Variants in HIVEP2 observed in about 807,000 individuals in gnomAD.
HIVEP2 encodes the protein HIVEP zinc finger 2, also known as transcription factor HIVEP2.
In HIVEP2, 14 loss-of-function variants were observed where a neutral mutation model predicts 180.7. The observed-to-expected ratio is 0.08, with a 90% CI of 0.05 to 0.12. HIVEP2 has a LOEUF of 0.12. Ranked by LOEUF, HIVEP2 falls within the 10% of genes least tolerant of loss-of-function variation. The pLI, the probability that HIVEP2 is intolerant of heterozygous loss-of-function variation, is 1.00. For missense variants in HIVEP2, 2,579 were observed against 3,008.5 expected, an observed-to-expected ratio of 0.86 and a Z score of 3.34; for synonymous variants, 1,184 against 1,136.4, an observed-to-expected ratio of 1.04 and a Z score of -0.84.
intron 1 of HIVEP2, among the ~76,000 whole-genome samples, chr6:142,846,669 G>T (rs1305077314): frequency 1.3e-5 from 2 of 152,186 alleles, no homozygotes; most frequent in Admixed American, 6.5e-5. Context: ...AGATGACTCA[G>T]CCTCTTGGGC....
At chr6:142,897,418 T>C (rs964169779) in intron 1 of HIVEP2, among the ~76,000 whole-genome samples, 2 of 152,218 alleles carry the variant, frequency 1.3e-5, no homozygotes, top group Non-Finnish European at 2.9e-5. Context: ...ATAATATTCA[T>C]AGAAGCACTA....
chr6:142,844,422 T>G (rs1775454308), intron 1 of HIVEP2, among the ~76,000 whole-genome samples: 1 of 152,238 alleles, frequency 6.6e-6, no homozygotes, highest in African/African-American at 2.4e-5. Context: ...CTGAGTTCTA[T>G]TTCCATCTTT....
chr6:142,802,311 C>A (rs917972205), intron 2 of HIVEP2, among the ~76,000 whole-genome samples: 2 of 152,122 alleles, frequency 1.3e-5, no homozygotes, highest in African/African-American at 4.8e-5. Context: ...GACTTCCCCC[C>A]ACATTCCATT....
At chr6:142,800,005 A>G (rs146496043) in intron 2 of HIVEP2, among the ~76,000 whole-genome samples, 211 of 152,066 alleles carry the variant, frequency 1.4e-3, no homozygotes, top group Non-Finnish European at 2.6e-3. Flanking sequence ...ATATTGAAAA[A>G]CCTCATTTTT....
At chr6:142,844,621 A>G (rs962548053) in intron 1 of HIVEP2, among the ~76,000 whole-genome samples, 3 of 152,226 alleles carry the variant, frequency 2.0e-5, no homozygotes, top group African/African-American at 4.8e-5. Flanking sequence ...TAAGGAAGTC[A>G]GAATTTAGGC....
intron 1 of HIVEP2, among the ~76,000 whole-genome samples, chr6:142,874,126 T>G (rs1389011707): frequency 6.6e-6 from 1 of 152,134 alleles, no homozygotes; most frequent in African/African-American, 2.4e-5. Context: ...TTCTCTAAAT[T>G]CCAAATACCT....
At chr6:142,815,150 C>T (rs1054742184) in intron 2 of HIVEP2, among the ~76,000 whole-genome samples, 9 of 152,142 alleles carry the variant, frequency 5.9e-5, no homozygotes, top group Non-Finnish European at 1.0e-4. Flanking sequence ...TTCATGAAGG[C>T]GTGGCCTAAT....
At chr6:142,794,367 T>C (rs1245567280) in intron 2 of HIVEP2, among the ~76,000 whole-genome samples, 1 of 152,202 alleles carries the variant, frequency 6.6e-6, no homozygotes, top group Non-Finnish European at 1.5e-5. Context: ...TATTTGTATA[T>C]TTCAATAGTT....
rs1261661835 is a variant in HIVEP2 at position 142,770,666 on chromosome 6, C to G, written c.4073G>C (p.Gly1358Ala). ...TATGACAATGGCAGGGCTATTCTGC[C>G]CAAGTATCTGAGAAATGCTTGTGTA... ...VMYTSISQIL[G>A]QNSPAIVICK... The change falls in exon 5 of 10, where the codon GGG becomes GCG. Residue 1358 changes from glycine (G) to alanine (A), a missense_variant. Gly to Ala is a moderately conservative substitution (Grantham distance 60). This residue lies in a region of HIVEP2 where 523 missense variants were observed against 577.0 expected (regional missense o/e 0.91). Coordinates refer to ENST00000367603, the MANE Select transcript of HIVEP2 (RefSeq NM_006734.4). This position sits in a 1 kb window ranked among gnomAD's most constrained non-coding sequence, Gnocchi z 4.7. 6 of 1,614,034 alleles carry G rather than the reference C, an allele frequency of 3.7e-6. No homozygotes were observed. The highest frequency in any genetic ancestry group is 5.1e-6 in the Non-Finnish European group (6 of 1,180,030).
At chr6:142,780,887 C>T (rs962877611) in intron 3 of HIVEP2, among the ~76,000 whole-genome samples, 2 of 152,096 alleles carry the variant, frequency 1.3e-5, no homozygotes, top group African/African-American at 4.8e-5. Flanking sequence ...CTTAACTCTT[C>T]CAAATGGCAT....
At chr6:142,764,328 T>C (rs185366333) in intron 7 of HIVEP2, among the ~76,000 whole-genome samples, 91 of 152,368 alleles carry the variant, frequency 6.0e-4, no homozygotes, top group African/African-American at 2.1e-3. Context: ...ATCAAATTTC[T>C]ATGCATAATT....
At chr6:142,865,830 C>T (rs111697835) in intron 1 of HIVEP2, among the ~76,000 whole-genome samples, 23 of 152,104 alleles carry the variant, frequency 1.5e-4, no homozygotes, top group African/African-American at 5.6e-4. Context: ...TTATGAACAA[C>T]CTATACAAGC....
intron 2 of HIVEP2, among the ~76,000 whole-genome samples, chr6:142,833,624 G>C (rs758069909): frequency 6.6e-6 from 1 of 152,168 alleles, no homozygotes; most frequent in African/African-American, 2.4e-5. Context: ...ATGCATGAAC[G>C]AATGAAGGTA....
In HIVEP2 at chr6:142,943,986, C is replaced by T. The variant is rs1157092291; in HGVS notation, c.-641+1113G>A. ...TTAAGGACCCTCTCTCTTCTCCGCACTCCCGAGGTTAAAGTGCCCCCGTTC... is the reference window on the plus strand; with the variant it reads ...TTAAGGACCCTCTCTCTTCTCCGCATTCCCGAGGTTAAAGTGCCCCCGTTC... On this transcript the variant is annotated intron_variant, in intron 1 of 9. Coordinates refer to ENST00000367603, the MANE Select transcript of HIVEP2 (RefSeq NM_006734.4). The surrounding 1 kb of genome is among the most constrained non-coding windows in gnomAD (Gnocchi z 4.5). Among the ~76,000 whole-genome samples the T allele has an allele frequency of 6.6e-6, 1 of 152,238 alleles. No individual in the cohort carries two copies. Among genetic ancestry groups the T allele is most frequent in the African/African-American group, 2.4e-5 (1 of 41,450 alleles).
Position 142,770,936 on chromosome 6 carries a change from G to C in HIVEP2, c.3803C>G (p.Pro1268Arg). 2 of 1,614,202 alleles carry C rather than the reference G, an allele frequency of 1.2e-6. No individual in the cohort carries two copies. Among genetic ancestry groups the C allele is most frequent in the Non-Finnish European group, 1.7e-6 (2 of 1,180,018 alleles). The change falls in exon 5 of 10, where the codon CCT (proline) becomes CGT (arginine). Residue 1268 changes from proline to arginine, a missense_variant. Pro to Arg is a moderately radical substitution (Grantham distance 103). Transcript: ENST00000367603. The surrounding 1 kb of genome is among the most constrained non-coding windows in gnomAD (Gnocchi z 4.7). ...EHVAEHTGKK[P>R]AEYAHTKEQT... ...CTCTTTCGTGTGTGCATACTCAGCAGGTTTCTTTCCAGTGTGCTCTGCCAC... is the reference window on the plus strand; with the variant it reads ...CTCTTTCGTGTGTGCATACTCAGCACGTTTCTTTCCAGTGTGCTCTGCCAC...
In HIVEP2 at chr6:142,764,923, C is replaced by T; in HGVS notation, c.5394G>A (p.Lys1798=). The part of the protein sequence containing the change: ...YVYVRGRGRG[K]YICEECGIRC... ...GAATCCCACATTCTTCACAAATGTA[C>T]TTTCCCCGGCCACGTCCTCTGACAT... Residue 1798 remains lysine, a synonymous_variant, in exon 7 of 10, where the codon AAG becomes AAA. Coordinates refer to ENST00000367603, the MANE Select transcript of HIVEP2 (RefSeq NM_006734.4). The T allele has an allele frequency of 6.2e-7, 1 of 1,613,910 alleles. No homozygotes were observed. Among genetic ancestry groups the T allele is most frequent in the Non-Finnish European group, 8.5e-7 (1 of 1,179,820 alleles).
chr6:142,878,330 C>G (rs1454508810), intron 1 of HIVEP2, among the ~76,000 whole-genome samples: 3 of 152,190 alleles, frequency 2.0e-5, no homozygotes, highest in East Asian at 3.8e-4. Context: ...CAGCTCTACA[C>G]CCTTCTGTAT....
chr6:142,884,746 T>C (rs1383654284), intron 1 of HIVEP2, among the ~76,000 whole-genome samples: 2 of 152,116 alleles, frequency 1.3e-5, no homozygotes, highest in African/African-American at 4.8e-5. Context: ...CAAAAGCAAA[T>C]GTAGCTGCTG....
chr6:142,848,848 C>A (rs1017777447), intron 1 of HIVEP2, among the ~76,000 whole-genome samples: 11 of 152,266 alleles, frequency 7.2e-5, no homozygotes, highest in East Asian at 1.9e-4. Context: ...CTATTTAAAT[C>A]AAGTGAAAGC....
Sources: allele counts gnomAD v4.1 joint callset (sites outside exome capture counted in the v4.1 genomes callset), GRCh38; gene constraint gnomAD v4.1.1; regional missense constraint gnomAD v4.1.1; non-coding constraint Gnocchi (gnomAD v3.1); transcripts MANE v1.5; gene names NCBI Gene and HGNC (gene_info 2026-07-23, HGNC 2026-07-21).